The following LRRC4C variants were observed in gnomAD, a reference collection of about 807,000 sequenced individuals.
LRRC4C encodes leucine-rich repeat-containing protein 4C.
LRRC4C carries 5 observed loss-of-function variants against 33.6 expected under a neutral mutation model. That is an observed-to-expected ratio of 0.15 (90% CI 0.08 to 0.31). LRRC4C has a LOEUF of 0.31. Ranked by LOEUF, LRRC4C falls within the 10% of genes least tolerant of loss-of-function variation. The probability of loss-of-function intolerance (pLI) is 1.00; values close to 1 mark genes in which losing one functional copy is unlikely to be tolerated. For missense variants in LRRC4C, 560 were observed against 796.7 expected, an observed-to-expected ratio of 0.70 and a Z score of 3.58; for synonymous variants, 329 against 302.0, an observed-to-expected ratio of 1.09 and a Z score of -0.93.
intron 1 of LRRC4C, among the ~76,000 whole-genome samples, chr11:41,418,345 T>C (rs1954761142): frequency 6.6e-6 from 1 of 151,908 alleles, no homozygotes; most frequent in African/African-American, 2.4e-5. Context: ...TGATGGGGAA[T>C]AGGTGCACTA....
chr11:40,883,624 CATAATTAAACATAT>C (rs1416378079), intron 2 of LRRC4C, among the ~76,000 whole-genome samples: 1 of 151,850 alleles, frequency 6.6e-6, no homozygotes, highest in Non-Finnish European at 1.5e-5. Flanking sequence ...ATATATATTG[CATAATTAAACATAT>C]ATAATTAAAT....
At chr11:40,979,968 T>C (rs378670) in intron 1 of LRRC4C, among the ~76,000 whole-genome samples, 113,018 of 152,052 alleles carry the variant, frequency 0.74, 42,776 homozygotes, top group Non-Finnish European at 0.82. Flanking sequence ...TTCTTAGGGA[T>C]GGAGAAATTT....
At chr11:41,368,255 C>T (rs146330711) in intron 1 of LRRC4C, among the ~76,000 whole-genome samples, 66 of 152,158 alleles carry the variant, frequency 4.3e-4, no homozygotes, top group African/African-American at 1.5e-3. Context: ...TGAGATACAC[C>T]CATTATTCTT....
At chr11:40,728,625 C>CAAAAAA (rs60355454) in intron 2 of LRRC4C, among the ~76,000 whole-genome samples, 8 of 51,254 alleles carry the variant, frequency 1.6e-4, no homozygotes, top group Non-Finnish European at 2.9e-4. Flanking sequence ...GACTCCGTCT[C>CAAAAAA]AAAAAAAAAA....
intron 1 of LRRC4C, among the ~76,000 whole-genome samples, chr11:41,123,300 T>C (rs1942557872): frequency 7.9e-6 from 1 of 126,134 alleles, no homozygotes; most frequent in African/African-American, 3.2e-5. Flanking sequence ...TGAGACGGAG[T>C]CTCGCTCTGT....
Position 40,192,219 on chromosome 11 carries a change from C to T in LRRC4C, c.-96+49300G>A, listed in dbSNP as rs571566187. On this transcript the variant is annotated intron_variant, in intron 5 of 6. Transcript: ENST00000528697. ...AACAGCTCTGGTCTGCAGCTCCCAG[C>T]GAGAACAACACAGAAGGTGGGTGAT... 1.7e-3 allele frequency among the ~76,000 whole-genome samples: 261 copies of T among 152,188 alleles called. 2 individuals are homozygous for T. The highest frequency in any genetic ancestry group is 4.2e-4 in the South Asian group (2 of 4,818).
At chr11:40,300,589 C>A (rs921219469) in intron 4 of LRRC4C, among the ~76,000 whole-genome samples, 1 of 152,142 alleles carries the variant, frequency 6.6e-6, no homozygotes, top group African/African-American at 2.4e-5. Context: ...AGGATCCCAG[C>A]AGACTGCAAA....
chr11:41,223,696 A>C (rs1030589025), intron 1 of LRRC4C, among the ~76,000 whole-genome samples: 2 of 152,206 alleles, frequency 1.3e-5, no homozygotes, highest in Non-Finnish European at 2.9e-5. Context: ...AATTCTAGTA[A>C]AGGCTGAGAT....
chr11:40,412,405 G>T (rs769016881), intron 3 of LRRC4C, among the ~76,000 whole-genome samples: 1 of 151,938 alleles, frequency 6.6e-6, no homozygotes, highest in Non-Finnish European at 1.5e-5. Flanking sequence ...ATTTTTTGGT[G>T]AATGAGACTG....
At chr11:41,307,580 A>G (rs1431366232) in intron 1 of LRRC4C, among the ~76,000 whole-genome samples, 1 of 152,212 alleles carries the variant, frequency 6.6e-6, no homozygotes, top group Non-Finnish European at 1.5e-5. Context: ...TTGTGGGGAC[A>G]GGTGGAAAAG....
intron 1 of LRRC4C, among the ~76,000 whole-genome samples, chr11:41,118,670 A>G (rs1278024519): frequency 2.0e-5 from 3 of 151,734 alleles, no homozygotes; most frequent in Non-Finnish European, 4.4e-5. Context: ...CAGTCTCCCC[A>G]CCTCCAATTC....
At chr11:40,139,752 C>G (rs1023022409) in intron 6 of LRRC4C, among the ~76,000 whole-genome samples, 3 of 152,204 alleles carry the variant, frequency 2.0e-5, no homozygotes, top group African/African-American at 7.2e-5. Context: ...GAATAGGTCT[C>G]TGGTGCTTTT....
rs151052868 is a variant in LRRC4C at position 41,428,871 on chromosome 11, T to G, written c.-496+30560A>C. Among the ~76,000 whole-genome samples, 7 of 152,218 alleles carry G rather than the reference T, an allele frequency of 4.6e-5. No homozygotes were observed. The East Asian group carries it at 1.4e-3, about 29-fold the overall frequency. ...GTCCCTAAAAGGCCACAACTGGAGATGTATGTGACTAAGCAAAGATCACTT... is the reference window on the plus strand; with the variant it reads ...GTCCCTAAAAGGCCACAACTGGAGAGGTATGTGACTAAGCAAAGATCACTT... On this transcript the variant is annotated intron_variant, in intron 1 of 6. Coordinates refer to ENST00000528697, the MANE Select transcript of LRRC4C (RefSeq NM_001258419.2).
intron 1 of LRRC4C, among the ~76,000 whole-genome samples, chr11:41,342,471 T>C (rs982569775): frequency 6.6e-6 from 1 of 152,126 alleles, no homozygotes; most frequent in African/African-American, 2.4e-5. Context: ...TCATAGCATT[T>C]TGGGAGGCTG....
Position 40,753,784 on chromosome 11 carries a change from T to A in LRRC4C, c.-406-105506A>T, listed in dbSNP as rs559619577. Among the ~76,000 whole-genome samples, 5 of 152,148 alleles carry A rather than the reference T, an allele frequency of 3.3e-5. No individual in the cohort carries two copies. In the East Asian group the frequency reaches 9.7e-4, roughly 29 times the overall value. On this transcript the variant is annotated intron_variant, in intron 2 of 6. Transcript: ENST00000528697. The stretch of plus-strand genomic sequence containing the variant: ...TGTAAAAGTGGACCAAGAACCCGAA[T>A]AGACAATTCTCCAAAAACACATTCA...
At chr11:40,610,707 G>A (rs1306359306) in intron 3 of LRRC4C, among the ~76,000 whole-genome samples, 4 of 151,670 alleles carry the variant, frequency 2.6e-5, no homozygotes, top group East Asian at 1.9e-4. Flanking sequence ...TATAAAAATC[G>A]GTTGCTTTTC....
chr11:40,188,931 T>C (rs1861618078), intron 5 of LRRC4C, among the ~76,000 whole-genome samples: 1 of 152,224 alleles, frequency 6.6e-6, no homozygotes. Flanking sequence ...TGGCATTAAA[T>C]TACCTCAAAC....
intron 2 of LRRC4C, among the ~76,000 whole-genome samples, chr11:40,657,067 T>A (rs997319745): frequency 1.3e-5 from 2 of 152,246 alleles, no homozygotes; most frequent in African/African-American, 4.8e-5. Flanking sequence ...AAACCATTTT[T>A]AATGTTTTAT....
chr11:41,215,129 T>C (rs919811626), intron 1 of LRRC4C, among the ~76,000 whole-genome samples: 3 of 150,998 alleles, frequency 2.0e-5, no homozygotes, highest in African/African-American at 7.3e-5. Context: ...TTTTAGTAAC[T>C]TTACAGAATT....
Sources: gnomAD v4.1 joint callset for allele counts (sites outside exome capture counted in the v4.1 genomes callset) on GRCh38, gnomAD v4.1.1 for gene constraint, MANE v1.5 for transcripts, NCBI Gene and HGNC (gene_info 2026-07-23, HGNC 2026-07-21) for gene names.